The following SLC39A14 variants were observed in gnomAD, a reference collection of about 807,000 sequenced individuals.
The protein encoded by SLC39A14 is solute carrier family 39 member 14.
SLC39A14 carries 19 observed loss-of-function variants against 45.5 expected under a neutral mutation model. The observed-to-expected ratio is 0.42, with a 90% confidence interval of 0.29 to 0.61. The LOEUF (loss-of-function observed/expected upper bound fraction) is 0.61. Among genes scored for constraint, SLC39A14 ranks in the 20% least tolerant of loss-of-function variants. SLC39A14 has a pLI of 0.22. For missense variants in SLC39A14, 447 were observed against 616.5 expected, an observed-to-expected ratio of 0.73 and a Z score of 2.91; for synonymous variants, 264 against 251.3, an observed-to-expected ratio of 1.05 and a Z score of -0.48.
rs1835789504 is a variant in SLC39A14 at position 22,415,009 on chromosome 8, A to G, written c.750+107A>G. 3.8e-6 allele frequency: 5 copies of G among 1,301,300 alleles called. No individual in the cohort carries two copies. In the South Asian group the frequency reaches 5.4e-5, roughly 14 times the overall value. 80.6% of individuals were successfully genotyped at this position (1,301,300 alleles called of 1,614,324 possible). ...GGTGATGGTCTTAGCCCAATATCACAATTTCCGTGAAACTCTAATTTCTTG... is the reference window on the plus strand; with the variant it reads ...GGTGATGGTCTTAGCCCAATATCACGATTTCCGTGAAACTCTAATTTCTTG... On this transcript the variant is annotated intron_variant, in intron 5 of 8. Transcript: ENST00000381237.
rs1832900104 is a variant in SLC39A14 at position 22,371,047 on chromosome 8, A to G, written c.-16+3639A>G. Among the ~76,000 whole-genome samples, 3 of 151,568 alleles carry G rather than the reference A, an allele frequency of 2.0e-5. No homozygotes were observed. In the South Asian group the frequency reaches 6.3e-4, roughly 32 times the overall value. On this transcript the variant is annotated intron_variant, in intron 1 of 8. Transcript: ENST00000381237. ...CTCCCCCCACTACCGTGGGCATTAA[A>G]CCTCTCAGGGGGCCCCTGGTTGGGC...
At chr8:22,383,498 G>T (rs1399353245) in intron 1 of SLC39A14, among the ~76,000 whole-genome samples, 1 of 152,176 alleles carries the variant, frequency 6.6e-6, no homozygotes, top group Non-Finnish European at 1.5e-5. Flanking sequence ...TTATTTGAAA[G>T]AGCCCTGTAA....
At chr8:22,376,419 G>T (rs1833221571) in intron 1 of SLC39A14, among the ~76,000 whole-genome samples, 1 of 147,182 alleles carries the variant, frequency 6.8e-6, no homozygotes, top group African/African-American at 2.5e-5. Context: ...CTGAGCTCAA[G>T]TGATCCACCC....
intron 1 of SLC39A14, among the ~76,000 whole-genome samples, chr8:22,384,982 G>A (rs777631261): frequency 4.6e-5 from 7 of 151,886 alleles, no homozygotes; most frequent in Non-Finnish European, 8.8e-5. Context: ...CCCGGGAGGC[G>A]GAGGTTGCAG....
chr8:22,407,356 T>G (rs1563572072), intron 2 of SLC39A14, among the ~76,000 whole-genome samples: 1 of 152,104 alleles, frequency 6.6e-6, no homozygotes, highest in Non-Finnish European at 1.5e-5. Flanking sequence ...AGAATGGTGT[T>G]TTCTTTCTCT....
downstream of SLC39A14, among the ~76,000 whole-genome samples, chr8:22,426,033 T>C (rs960542362): frequency 6.6e-6 from 1 of 152,000 alleles, no homozygotes; most frequent in African/African-American, 2.4e-5. Context: ...GCTGGGATTA[T>C]AGGCATGAGC....
At chr8:22,405,002 G>A in intron 2 of SLC39A14, 22 bp downstream of exon 2, 1 of 1,608,018 alleles carries the variant, frequency 6.2e-7, no homozygotes, top group Non-Finnish European at 8.5e-7. Context: ...CTGTGAGCCA[G>A]CAGCTCTGCT....
At chr8:22,409,911 A>C in intron 3 of SLC39A14, 2 of 1,611,736 alleles carry the variant, frequency 1.2e-6, no homozygotes, top group Non-Finnish European at 1.7e-6. Flanking sequence ...CACCCTCAGT[A>C]ATAGAGGCCC....
At chr8:22,391,662 C>A (rs567815949) in intron 1 of SLC39A14, among the ~76,000 whole-genome samples, 1 of 152,074 alleles carries the variant, frequency 6.6e-6, no homozygotes, top group South Asian at 2.1e-4. Context: ...CTTCTGTCTC[C>A]CGGGTTCAAG....
chr8:22,424,598 T>C (rs1836351365), downstream of SLC39A14, among the ~76,000 whole-genome samples: 1 of 151,984 alleles, frequency 6.6e-6, no homozygotes, highest in Admixed American at 6.6e-5. Context: ...TTTCCAGGAG[T>C]CTGTCTCTGC....
intron 1 of SLC39A14, among the ~76,000 whole-genome samples, chr8:22,393,922 C>T (rs571220207): frequency 6.6e-6 from 1 of 152,262 alleles, no homozygotes; most frequent in East Asian, 1.9e-4. Flanking sequence ...ATCTACCTGC[C>T]TTGGCCTCCC....
downstream of SLC39A14, among the ~76,000 whole-genome samples, chr8:22,425,610 A>T (rs1413860854): frequency 6.6e-6 from 1 of 151,856 alleles, no homozygotes; most frequent in African/African-American, 2.4e-5. Flanking sequence ...GCCTTCAGCT[A>T]AGTATGCTTA....
rs1273148476 is a variant in SLC39A14, at chr8:22,433,540, C to G, written c.1333-351C>G. 4.2e-5 allele frequency among the ~76,000 whole-genome samples: 5 copies of G among 118,246 alleles called. 1 individual carries two copies. Among genetic ancestry groups the G allele is most frequent in the Admixed American group, 1.8e-4 (2 of 11,250 alleles). 77.6% of individuals were successfully genotyped at this position (118,246 alleles called of 152,430 possible). A position where few individuals can be genotyped will look rare whatever the true frequency, so the allele number is the denominator to read the frequency against. On this transcript the variant is annotated intron_variant, in intron 8 of 8. Transcript: ENST00000240095. ...CCTGGCTTAAGACTTTTATTTTATGCTTTTTTTTTTTTTTTTTTTTTGAGA... is the reference window on the plus strand; with the variant it reads ...CCTGGCTTAAGACTTTTATTTTATGGTTTTTTTTTTTTTTTTTTTTTGAGA...
chr8:22,430,729 G>C (rs13274902), intron 8 of SLC39A14, among the ~76,000 whole-genome samples: 47,128 of 151,622 alleles, frequency 0.31, 7,567 homozygotes, highest in East Asian at 0.5. Flanking sequence ...CTGGAGTGCA[G>C]TGGTGTGATC....
downstream of SLC39A14, among the ~76,000 whole-genome samples, chr8:22,427,626 T>C (rs1836407818): frequency 6.6e-6 from 1 of 152,186 alleles, no homozygotes; most frequent in Non-Finnish European, 1.5e-5. Context: ...TTTGAAGCCA[T>C]TGTCTGGTTG....
chr8:22,386,107 T>A (rs1833776927), intron 1 of SLC39A14, among the ~76,000 whole-genome samples: 1 of 149,678 alleles, frequency 6.7e-6, no homozygotes, highest in Non-Finnish European at 1.5e-5. Flanking sequence ...GCCTGGCTAA[T>A]TTTTTGTATT....
At chr8:22,432,470 C>G (rs1586765269) in intron 8 of SLC39A14, among the ~76,000 whole-genome samples, 1 of 151,410 alleles carries the variant, frequency 6.6e-6, no homozygotes, top group South Asian at 2.1e-4. Context: ...CTCTCTCTCT[C>G]TCTCTTTTTC....
At chr8:22,377,718 A>G (rs893128353) in intron 1 of SLC39A14, among the ~76,000 whole-genome samples, 2 of 152,202 alleles carry the variant, frequency 1.3e-5, no homozygotes, top group African/African-American at 4.8e-5. Flanking sequence ...CGTGGCCCTG[A>G]TTAACACACA....
chr8:22,395,464 A>C (rs1440518673), intron 1 of SLC39A14, among the ~76,000 whole-genome samples: 1 of 152,184 alleles, frequency 6.6e-6, no homozygotes, highest in Non-Finnish European at 1.5e-5. Flanking sequence ...CATTTTTTGA[A>C]CACCAAGCAT....
Sources: allele counts gnomAD v4.1 joint callset (sites outside exome capture counted in the v4.1 genomes callset), GRCh38; gene constraint gnomAD v4.1.1; transcripts MANE v1.5; gene names NCBI Gene and HGNC (gene_info 2026-07-23, HGNC 2026-07-21).